Variants in LCE1D observed in about 807,000 individuals in gnomAD.
The protein encoded by LCE1D is late cornified envelope 1D.
For missense variants in LCE1D, 86 were observed against 164.4 expected (o/e 0.52, Z 2.61); for synonymous variants, 44 against 65.0 (o/e 0.68, Z 1.55).
At position 152,796,723 on chromosome 1, in the gene LCE1D, C is replaced by T. The variant is rs966453965; in HGVS notation, c.-71C>T. On this transcript the variant is annotated 5_prime_UTR_variant, in exon 1 of 2. Transcript: ENST00000326233. ...AGGGCTCAGGGCCAGACCACCCCAT[C>T]CACTCACCTCCTGAGGTGCTAAAGA... 8 of 136,634 alleles carry T rather than the reference C, an allele frequency of 5.9e-5. 2 individuals are homozygous for T. Among genetic ancestry groups the T allele is most frequent in the African/African-American group, 2.1e-4 (8 of 38,210 alleles). The allele number at this position is 136,634 out of a possible 1,614,324, so 8.5% of individuals were successfully genotyped here.
rs115903116 is a variant in LCE1D, at chr1:152,797,710, G to A, written c.-22-63G>A. 2.9e-3 allele frequency: 3,122 copies of A among 1,083,096 alleles called. 524 individuals are homozygous for A. In the African/African-American group the frequency reaches 0.042, roughly 14 times the overall value. 67.1% of individuals were successfully genotyped at this position (1,083,096 alleles called of 1,614,324 possible). ...TGCTTTTAAACTTGAGAGGTGCTAA[G>A]AGTGTCACAGGGGCAGAGGTGGCCT... On this transcript the variant is annotated intron_variant, in intron 1 of 1. Transcript: ENST00000326233.
At chr1:152,797,748 G>T in intron 1 of LCE1D, 25 bp from the exon 2 acceptor site, 1 of 1,400,922 alleles carries the variant, frequency 7.1e-7, no homozygotes, top group Non-Finnish European at 1.0e-6. Context: ...GCCTGGGTCT[G>T]ACTTGTTATT....
At chr1:152,797,740 C>A in intron 1 of LCE1D, 33 bp from the exon 2 acceptor site, 1 of 1,370,340 alleles carries the variant, frequency 7.3e-7, no homozygotes, top group South Asian at 1.2e-5. Context: ...TGGCCTCTGC[C>A]TGGGTCTGAC....
rs1217493045 is a variant in LCE1D at position 152,797,985 on chromosome 1, G to A, written c.191G>A (p.Cys64Tyr). ...GGCGSNSGGC[C>Y]SSGGGGCCLS... ...TGTGGCTCCAACTCTGGGGGCTGCTGCAGCTCTGGGGGTGGTGGCTGCTGC... is the reference window on the plus strand; with the variant it reads ...TGTGGCTCCAACTCTGGGGGCTGCTACAGCTCTGGGGGTGGTGGCTGCTGC... The change falls in exon 2 of 2, where the codon TGC becomes TAC. Residue 64 changes from cysteine to tyrosine, a missense_variant. By Grantham distance (194) the Cys-to-Tyr change is radical. Transcript: ENST00000326233. 1 of 1,440,650 alleles carries A rather than the reference G, an allele frequency of 6.9e-7. No individual in the cohort carries two copies. 89.2% of individuals were successfully genotyped at this position (1,440,650 alleles called of 1,614,324 possible).
chr1:152,797,625 C>A, intron 1 of LCE1D, 148 bp from the exon 2 acceptor site: 6 of 636,102 alleles, frequency 9.4e-6, no homozygotes, highest in Non-Finnish European at 1.6e-5. Context: ...CCAAAGATAT[C>A]TTGAAAAAGA....
chr1:152,798,132 G>A lies in LCE1D; in HGVS notation c.338G>A (p.Cys113Tyr), dbSNP rs1652112272. Residue 113 changes from cysteine to tyrosine, a missense_variant, in exon 2 of 2, where the codon TGC (cysteine) becomes TAC (tyrosine). Transcript: ENST00000326233. ...GGGSSQHSGG[C>Y]C Reference sequence around the variant, plus strand: ...GGCAGCAGCCAGCACTCTGGAGGCTGCTGCTGAAGTGGACCTTGACTTCCT... The same window carrying A: ...GGCAGCAGCCAGCACTCTGGAGGCTACTGCTGAAGTGGACCTTGACTTCCT... 5 of 1,387,496 alleles carry A rather than the reference G, an allele frequency of 3.6e-6. No homozygotes were observed. The highest frequency in any genetic ancestry group is 2.9e-5 in the African/African-American group (2 of 68,316). 85.9% of individuals were successfully genotyped at this position (1,387,496 alleles called of 1,614,324 possible).
At position 152,797,856 on chromosome 1, in the gene LCE1D, C is replaced by T. The variant is rs376151801; in HGVS notation, c.62C>T (p.Thr21Ile). ...CCTCCCAAGTGCACTCCCAAGTGCA[C>T]TCCCAAGTGCCCCGCCCCTAAATGT... ...QPPPKCTPKCTPKCPAPKCPP... is the reference protein window; with the variant it reads ...QPPPKCTPKCIPKCPAPKCPP... Residue 21 changes from threonine to isoleucine, a missense_variant, in exon 2 of 2, where the codon ACT (threonine) becomes ATT (isoleucine). Physicochemically the swap from Thr to Ile is moderately conservative, Grantham distance 89. Transcript: ENST00000326233. The T allele has an allele frequency of 5.7e-5, 82 of 1,439,232 alleles. 17 individuals carry two copies. Among genetic ancestry groups the T allele is most frequent in the Non-Finnish European group, 7.5e-5 (78 of 1,033,896 alleles). The allele number at this position is 1,439,232 out of a possible 1,614,324, so 89.2% of individuals were successfully genotyped here.
chr1:152,797,788 C>T lies in LCE1D; in HGVS notation c.-7C>T. ...TCTCCCTCAGCTCCTGAACACCCAC[C>T]ACCGAGATGTCCTGCCAGCAGAGCC... On this transcript the variant is annotated 5_prime_UTR_variant, in exon 2 of 2. Coordinates refer to ENST00000326233, the MANE Select transcript of LCE1D (RefSeq NM_178352.3). 1 of 1,438,034 alleles carries T rather than the reference C, an allele frequency of 7.0e-7. No homozygotes were observed. The highest frequency in any genetic ancestry group is 9.7e-7 in the Non-Finnish European group (1 of 1,032,908). 89.1% of individuals were successfully genotyped at this position (1,438,034 alleles called of 1,614,324 possible). A position where few individuals can be genotyped will look rare whatever the true frequency, so the allele number is the denominator to read the frequency against.
chr1:152,797,353 T>C (rs1652090328), intron 1 of LCE1D, among the ~76,000 whole-genome samples: 1 of 135,058 alleles, frequency 7.4e-6, no homozygotes, highest in South Asian at 2.3e-4. Context: ...TCTGTCTCTA[T>C]TGAAGTGAGT....
At position 152,797,665 on chromosome 1, in the gene LCE1D, A is replaced by G. The variant is rs1177679039; in HGVS notation, c.-22-108A>G. ...GTGAGATTTTGAGGAAATTATTGGA[A>G]ATAAAACTACTGAAGATGATGCTTT... On this transcript the variant is annotated intron_variant, in intron 1 of 1. Transcript: ENST00000326233. 17 of 764,710 alleles carry G rather than the reference A, an allele frequency of 2.2e-5. 5 individuals carry two copies. The highest frequency in any genetic ancestry group is 4.3e-6 in the Non-Finnish European group (2 of 468,002). 47.4% of individuals were successfully genotyped at this position (764,710 alleles called of 1,614,324 possible).
At chr1:152,797,073 C>A (rs1452500065) in intron 1 of LCE1D, among the ~76,000 whole-genome samples, 1 of 135,502 alleles carries the variant, frequency 7.4e-6, no homozygotes, top group Admixed American at 7.3e-5. Flanking sequence ...GGGAAGCCCA[C>A]CTCTGAAGAT....
rs747536962 is a variant in LCE1D at position 152,797,791 on chromosome 1, C to T, written c.-4C>T. The T allele has an allele frequency of 2.0e-5, 29 of 1,438,192 alleles. 5 individuals are homozygous for T. In the South Asian group the frequency reaches 2.2e-4, roughly 11 times the overall value. The allele number at this position is 1,438,192 out of a possible 1,614,324, so 89.1% of individuals were successfully genotyped here. A position where few individuals can be genotyped will look rare whatever the true frequency, so the allele number is the denominator to read the frequency against. On this transcript the variant is annotated 5_prime_UTR_variant, in exon 2 of 2. Coordinates refer to ENST00000326233, the MANE Select transcript of LCE1D (RefSeq NM_178352.3). ...CCCTCAGCTCCTGAACACCCACCAC[C>T]GAGATGTCCTGCCAGCAGAGCCAGC...
rs1388998237 is a variant in LCE1D at position 152,797,816 on chromosome 1, C to T, written c.22C>T (p.Gln8Ter). Residue 8 changes from glutamine (Q) to a stop codon, truncating the protein, a stop_gained, in exon 2 of 2, where the codon CAG becomes TAG. Coordinates refer to ENST00000326233, the MANE Select transcript of LCE1D (RefSeq NM_178352.3). LOFTEE classifies it high-confidence loss of function. ...CGAGATGTCCTGCCAGCAGAGCCAG[C>T]AGCAGTGCCAGCCCCCTCCCAAGTG... Reference protein sequence around the residue: MSCQQSQQQCQPPPKCTP... With the variant: MSCQQSQ 2 of 1,438,616 alleles carry T rather than the reference C, an allele frequency of 1.4e-6. No homozygotes were observed. Among genetic ancestry groups the T allele is most frequent in the East Asian group, 2.2e-5 (1 of 44,778 alleles). 89.1% of individuals were successfully genotyped at this position (1,438,616 alleles called of 1,614,324 possible).
At chr1:152,797,358 G>A (rs1254317169) in intron 1 of LCE1D, among the ~76,000 whole-genome samples, 1 of 135,420 alleles carries the variant, frequency 7.4e-6, no homozygotes, top group Non-Finnish European at 1.7e-5. Flanking sequence ...CTCTATTGAA[G>A]TGAGTTTACT....
chr1:152,797,872 C>T lies in LCE1D; in HGVS notation c.78C>T (p.Ala26=). The part of the protein sequence containing the change: ...CTPKCTPKCP[A]PKCPPKCPPV... ...CCAAGTGCACTCCCAAGTGCCCCGC[C>T]CCTAAATGTCCCCCTAAGTGCCCTC... Residue 26 remains alanine (A), a synonymous_variant, in exon 2 of 2, where the codon GCC becomes GCT. Transcript: ENST00000326233. 1 of 1,439,854 alleles carries T rather than the reference C, an allele frequency of 6.9e-7. No homozygotes were observed. Among genetic ancestry groups the T allele is most frequent in the Non-Finnish European group, 9.7e-7 (1 of 1,034,046 alleles). The allele number at this position is 1,439,854 out of a possible 1,614,324, so 89.2% of individuals were successfully genotyped here.
rs540259633 is a variant in LCE1D, at chr1:152,797,364, T to C, written c.-22-409T>C. On this transcript the variant is annotated intron_variant, in intron 1 of 1. Coordinates refer to ENST00000326233, the MANE Select transcript of LCE1D (RefSeq NM_178352.3). ...TTTATCTGTCTCTATTGAAGTGAGT[T>C]TACTGACCTAGTAGTCTCCAAGATC... 8.9e-5 allele frequency among the ~76,000 whole-genome samples: 12 copies of C among 135,410 alleles called. 1 individual carries two copies. The South Asian group carries it at 2.5e-3, about 28-fold the overall frequency. The allele number at this position is 135,410 out of a possible 152,430, so 88.8% of individuals were successfully genotyped here.
Position 152,797,272 on chromosome 1 carries a change from G to C in LCE1D, c.-23+501G>C, listed in dbSNP as rs1326621531. ...TCAGCCTGAGCAGGTGGTGAGTGAG[G>C]AAGTCTGAGCTCCAACCTGAGATCA... On this transcript the variant is annotated intron_variant, in intron 1 of 1. Coordinates refer to ENST00000326233, the MANE Select transcript of LCE1D (RefSeq NM_178352.3). Among the ~76,000 whole-genome samples, 13 of 135,338 alleles carry C rather than the reference G, an allele frequency of 9.6e-5. 2 individuals carry two copies. The highest frequency in any genetic ancestry group is 3.9e-3 in the Middle Eastern group (1 of 254). 88.8% of individuals were successfully genotyped at this position (135,338 alleles called of 152,430 possible).
intron 1 of LCE1D, among the ~76,000 whole-genome samples, chr1:152,797,006 T>C (rs1652084897): frequency 7.4e-6 from 1 of 135,438 alleles, no homozygotes; most frequent in African/African-American, 2.6e-5. Flanking sequence ...GAGGTGGGTG[T>C]TCCAGAGTGG....
rs1175199966 is a variant in LCE1D at position 152,797,734 on chromosome 1, C to A, written c.-22-39C>A. ...AGAGTGTCACAGGGGCAGAGGTGGC[C>A]TCTGCCTGGGTCTGACTTGTTATTT... is the stretch of plus-strand genomic sequence containing the variant. On this transcript the variant is annotated intron_variant, in intron 1 of 1. Transcript: ENST00000326233. 2.8e-5 allele frequency: 37 copies of A among 1,335,168 alleles called. 7 individuals are homozygous for A. The highest frequency in any genetic ancestry group is 3.9e-5 in the Non-Finnish European group (37 of 945,652). The allele number at this position is 1,335,168 out of a possible 1,614,324, so 82.7% of individuals were successfully genotyped here. A position where few individuals can be genotyped will look rare whatever the true frequency, so the allele number is the denominator to read the frequency against.
Sources: gnomAD v4.1 joint callset for allele counts (sites outside exome capture counted in the v4.1 genomes callset) on GRCh38, gnomAD v4.1.1 for gene constraint, MANE v1.5 for transcripts, NCBI Gene and HGNC (gene_info 2026-07-23, HGNC 2026-07-21) for gene names.